Variants in BBOF1 observed in about 807,000 individuals in gnomAD.
BBOF1 encodes the protein basal body-orientation factor 1.
A neutral mutation model predicts 68.0 loss-of-function variants in BBOF1; 62 were observed. That is an observed-to-expected ratio of 0.91 (90% confidence interval 0.74 to 1.13). The LOEUF is 1.13. Ranked by LOEUF, BBOF1 falls within the 50% of genes most tolerant of loss-of-function variation. The pLI is 0.00. For missense variants in BBOF1, 534 were observed against 600.1 expected, an observed-to-expected ratio of 0.89 and a Z score of 1.15; for synonymous variants, 208 against 198.8, an observed-to-expected ratio of 1.05 and a Z score of -0.39.
At chr14:74,049,149 C>T (rs908154609) in intron 7 of BBOF1, among the ~76,000 whole-genome samples, 14 of 152,138 alleles carry the variant, frequency 9.2e-5, no homozygotes, top group East Asian at 7.7e-4. Flanking sequence ...TCCAGGATTA[C>T]AGGCATGAGC....
At chr14:74,042,348 C>A (rs750366325) in intron 5 of BBOF1, among the ~76,000 whole-genome samples, 7 of 152,198 alleles carry the variant, frequency 4.6e-5, no homozygotes, top group Non-Finnish European at 8.8e-5. Context: ...TTCTCAGGAG[C>A]CTCTCCTATT....
intron 11 of BBOF1, among the ~76,000 whole-genome samples, chr14:74,064,011 T>A (rs7143118): frequency 0.17 from 25,281 of 151,796 alleles, 2,607 homozygotes; most frequent in East Asian, 0.57. Flanking sequence ...AAATAATGTC[T>A]GCTACAGACC....
intron 4 of BBOF1, among the ~76,000 whole-genome samples, chr14:74,035,413 C>CTTT (rs35957144): frequency 7.2e-5 from 7 of 97,368 alleles, no homozygotes; most frequent in African/African-American, 1.6e-4. Flanking sequence ...CATATGGGCC[C>CTTT]TTTTTTTTTT....
chr14:74,062,223 G>A (rs2060362050), intron 11 of BBOF1, among the ~76,000 whole-genome samples: 1 of 151,940 alleles, frequency 6.6e-6, no homozygotes, highest in African/African-American at 2.4e-5. Flanking sequence ...TGGAGAGGGT[G>A]GGCAGGGAAC....
At chr14:74,037,092 C>G (rs1195099516) in intron 4 of BBOF1, among the ~76,000 whole-genome samples, 1 of 147,192 alleles carries the variant, frequency 6.8e-6, no homozygotes, top group East Asian at 2.0e-4. Flanking sequence ...CCTGCTTCAG[C>G]CTCCTGAGTA....
chr14:74,057,285 ATGTATATTGT>A, intron 11 of BBOF1, 27 bp downstream of exon 11: 1 of 1,614,016 alleles, frequency 6.2e-7, no homozygotes, highest in Admixed American at 1.7e-5. Flanking sequence ...TAATCAAACA[ATGTATATTGT>A]TGTCACCCTT....
chr14:74,065,148 T>C lies in BBOF1; in HGVS notation c.*449T>C, dbSNP rs1214978785. On this transcript the variant is annotated 3_prime_UTR_variant, in exon 12 of 12. Coordinates refer to ENST00000394009, the MANE Select transcript of BBOF1 (RefSeq NM_025057.3). ...TTCCTCTTAGGAAATAGTAAATGGA[T>C]ATAAGAATCTCTTAAAAATTCTGTT... 4 of 1,609,970 alleles carry C rather than the reference T, an allele frequency of 2.5e-6. No individual in the cohort carries two copies. The African/African-American group carries it at 5.3e-5, about 22-fold the overall frequency.
chr14:74,029,907 A>G (rs1350149628), intron 3 of BBOF1, among the ~76,000 whole-genome samples: 2 of 152,094 alleles, frequency 1.3e-5, no homozygotes, highest in Non-Finnish European at 2.9e-5. Flanking sequence ...ACTTAACTTT[A>G]TCTGTATCTC....
At chr14:74,045,589 G>A (rs762772575) in intron 5 of BBOF1, among the ~76,000 whole-genome samples, 5 of 152,170 alleles carry the variant, frequency 3.3e-5, no homozygotes, top group African/African-American at 7.2e-5. Context: ...GATTACAGGC[G>A]TGAGCCACCG....
At chr14:74,042,437 G>A (rs1359472518) in intron 5 of BBOF1, among the ~76,000 whole-genome samples, 2 of 152,266 alleles carry the variant, frequency 1.3e-5, no homozygotes, top group Admixed American at 6.5e-5. Context: ...CAGAATACCC[G>A]AGTAACAGTG....
At chr14:74,025,996 C>G (rs2059416132) in intron 2 of BBOF1, among the ~76,000 whole-genome samples, 1 of 151,798 alleles carries the variant, frequency 6.6e-6, no homozygotes, top group Admixed American at 6.6e-5. Context: ...AAAGAATTAG[C>G]TAGGCATGGT....
chr14:74,066,317 GA>G (rs1171012650), downstream of BBOF1, among the ~76,000 whole-genome samples: 9 of 151,758 alleles, frequency 5.9e-5, no homozygotes, highest in African/African-American at 9.7e-5. Context: ...TTAAATGGTT[GA>G]AAAAAAATTA....
At chr14:74,041,020 T>TA (rs1190167287) in intron 5 of BBOF1, among the ~76,000 whole-genome samples, 1 of 152,248 alleles carries the variant, frequency 6.6e-6, no homozygotes, top group East Asian at 1.9e-4. Context: ...AAGATGTTAA[T>TA]AAAAAATGTT....
chr14:74,067,624 T>C (rs1175368152), downstream of BBOF1: 3 of 1,583,650 alleles, frequency 1.9e-6, no homozygotes, highest in East Asian at 6.7e-5. Context: ...ACAACTAAGC[T>C]AAGAAATTAA....
chr14:74,052,578 G>C (rs886753405), intron 8 of BBOF1, among the ~76,000 whole-genome samples: 1 of 151,988 alleles, frequency 6.6e-6, no homozygotes, highest in African/African-American at 2.4e-5. Flanking sequence ...CTGGGTGGCA[G>C]AGGTTGCAGT....
chr14:74,046,100 T>C lies in BBOF1; in HGVS notation c.617T>C (p.Leu206Pro), dbSNP rs1204391111. Reference sequence around the variant, plus strand: ...GAGGCTGAAAAGAAGATAATAATGCTAGCAGAGAGAGCCCACCATGAGGCT... The same window carrying C: ...GAGGCTGAAAAGAAGATAATAATGCCAGCAGAGAGAGCCCACCATGAGGCT... Reference protein sequence around the residue: ...EQEAEKKIIMLAERAHHEAIV... With the variant: ...EQEAEKKIIMPAERAHHEAIV... The change falls in exon 6 of 12, where the codon CTA becomes CCA. Residue 206 changes from leucine to proline, a missense_variant. Transcript: ENST00000394009. The C allele has an allele frequency of 6.2e-7, 1 of 1,608,896 alleles. No homozygotes were observed. Among genetic ancestry groups the C allele is most frequent in the African/African-American group, 1.3e-5 (1 of 74,888 alleles).
chr14:74,061,241 G>A (rs529895908), intron 11 of BBOF1, among the ~76,000 whole-genome samples: 3 of 152,026 alleles, frequency 2.0e-5, no homozygotes, highest in Non-Finnish European at 4.4e-5. Flanking sequence ...GCCTCTCAAA[G>A]TGCTGGAATT....
chr14:74,062,051 GAAAAAAAAAAAA>G (rs369414700), intron 11 of BBOF1, among the ~76,000 whole-genome samples: 44 of 59,618 alleles, frequency 7.4e-4, no homozygotes, highest in South Asian at 4.9e-3. Flanking sequence ...TCTCTACTGG[GAAAAAAAAAAAA>G]AAAAAAAAAA....
chr14:74,038,716 A>G (rs1435413674), intron 4 of BBOF1, among the ~76,000 whole-genome samples: 1 of 152,180 alleles, frequency 6.6e-6, no homozygotes, highest in Non-Finnish European at 1.5e-5. Flanking sequence ...GAAAAAAATT[A>G]TTTCTGGCTG....
Sources: allele counts gnomAD v4.1 joint callset (sites outside exome capture counted in the v4.1 genomes callset), GRCh38; gene constraint gnomAD v4.1.1; transcripts MANE v1.5; gene names NCBI Gene and HGNC (gene_info 2026-07-23, HGNC 2026-07-21).